Variants in MNAT1 observed in about 807,000 individuals in gnomAD.
MNAT1 encodes the protein CDK-activating kinase assembly factor MAT1.
Under a neutral mutation model 42.0 loss-of-function variants are expected in MNAT1, and 43 were observed. The observed-to-expected ratio is 1.02, with a 90% confidence interval of 0.80 to 1.32. MNAT1 has a LOEUF of 1.32. Ranked by LOEUF, MNAT1 falls within the 40% of genes most tolerant of loss-of-function variation. The probability of loss-of-function intolerance (pLI) is 0.00; values close to 1 mark genes in which losing one functional copy is unlikely to be tolerated. For synonymous variants in MNAT1, 118 were observed against 120.0 expected (o/e 0.98, Z 0.11); for missense variants, 306 against 350.4 (o/e 0.87, Z 1.01).
chr14:60,908,592 G>A (rs1282017405), intron 7 of MNAT1, among the ~76,000 whole-genome samples: 8 of 151,766 alleles, frequency 5.3e-5, no homozygotes, highest in South Asian at 2.1e-4. Flanking sequence ...TTGTCCTTGC[G>A]ATAGTTTGCT....
intron 1 of MNAT1, among the ~76,000 whole-genome samples, chr14:60,768,085 C>G (rs10134410): frequency 0.95 from 144,145 of 152,224 alleles, 68,506 homozygotes; most frequent in Non-Finnish European, 0.99. Flanking sequence ...ATTTTTAGTA[C>G]AGTCAGTGTT....
At chr14:60,737,977 T>C (rs1424527998) in intron 1 of MNAT1, among the ~76,000 whole-genome samples, 2 of 150,134 alleles carry the variant, frequency 1.3e-5, no homozygotes, top group Non-Finnish European at 3.0e-5. Flanking sequence ...GCCTCCCGAG[T>C]AGCTGGGACT....
intron 6 of MNAT1, among the ~76,000 whole-genome samples, chr14:60,837,531 C>T (rs754618344): frequency 5.9e-5 from 9 of 152,222 alleles, no homozygotes; most frequent in Non-Finnish European, 1.0e-4. Context: ...TGCTTTGGCT[C>T]ACCCTCCATG....
intron 7 of MNAT1, among the ~76,000 whole-genome samples, chr14:60,947,490 C>G (rs2036303224): frequency 6.6e-6 from 1 of 152,110 alleles, no homozygotes; most frequent in Non-Finnish European, 1.5e-5. Context: ...CGAGACAAGC[C>G]TGGCCAACAT....
At chr14:60,891,131 C>G (rs1372554173) in intron 7 of MNAT1, among the ~76,000 whole-genome samples, 1 of 152,112 alleles carries the variant, frequency 6.6e-6, no homozygotes, top group African/African-American at 2.4e-5. Flanking sequence ...AATAATGGCT[C>G]CACTTTCATT....
chr14:60,773,229 G>A (rs530870755), intron 1 of MNAT1, among the ~76,000 whole-genome samples: 5 of 152,188 alleles, frequency 3.3e-5, no homozygotes, highest in East Asian at 3.9e-4. Flanking sequence ...GAGCCACCAC[G>A]CCTGGCCTGT....
In MNAT1 at chr14:60,798,164, C is replaced by A; in HGVS notation, c.316+4C>A. ...TTGGAAGAAGTGGAAGAAATTGGTA[C>A]GTTTTTAATTTGATGTATGCTAGCC... On this transcript the variant is annotated splice_donor_region_variant and intron_variant, in intron 3 of 7. Coordinates refer to ENST00000261245, the MANE Select transcript of MNAT1 (RefSeq NM_002431.4). 1.4e-6 allele frequency: 2 copies of A among 1,471,366 alleles called. No homozygotes were observed. The highest frequency in any genetic ancestry group is 1.9e-6 in the Non-Finnish European group (2 of 1,054,358). 91.1% of individuals were successfully genotyped at this position (1,471,366 alleles called of 1,614,324 possible).
At chr14:60,905,142 G>C (rs1343355776) in intron 7 of MNAT1, among the ~76,000 whole-genome samples, 2 of 151,870 alleles carry the variant, frequency 1.3e-5, no homozygotes, top group Non-Finnish European at 2.9e-5. Flanking sequence ...ACTGTTCTGG[G>C]TGCTGAGAAA....
At chr14:60,839,089 G>A (rs1037387134) in intron 6 of MNAT1, among the ~76,000 whole-genome samples, 1 of 152,254 alleles carries the variant, frequency 6.6e-6, no homozygotes, top group Admixed American at 6.5e-5. Context: ...GCTTCTGGGT[G>A]GAAAGGGGTG....
intron 6 of MNAT1, among the ~76,000 whole-genome samples, chr14:60,837,828 A>T (rs987121505): frequency 1.3e-5 from 2 of 152,220 alleles, no homozygotes; most frequent in Non-Finnish European, 2.9e-5. Flanking sequence ...GAGGTGTTAA[A>T]TATTCTTAAA....
Position 60,780,284 on chromosome 14 carries a change from G to A in MNAT1, c.90-15933G>A. 4.8e-6 allele frequency: 7 copies of A among 1,460,490 alleles called. No homozygotes were observed. In the South Asian group the frequency reaches 8.0e-5, roughly 17 times the overall value. 90.5% of individuals were successfully genotyped at this position (1,460,490 alleles called of 1,614,324 possible). On this transcript the variant is annotated intron_variant, in intron 1 of 7. Transcript: ENST00000261245. Reference sequence around the variant, plus strand: ...TGAGGTCCTGGAAAGATGACAGTTTGATATTGAGTGTGATAAGACTGCAAA... The same window carrying A: ...TGAGGTCCTGGAAAGATGACAGTTTAATATTGAGTGTGATAAGACTGCAAA...
intron 7 of MNAT1, among the ~76,000 whole-genome samples, chr14:60,899,131 A>G (rs1426023749): frequency 3.9e-5 from 6 of 152,208 alleles, no homozygotes; most frequent in Admixed American, 2.0e-4. Context: ...TGAAATTTTT[A>G]TCTTAATTTC....
chr14:60,873,188 A>G (rs897508586), intron 6 of MNAT1, among the ~76,000 whole-genome samples: 32 of 152,224 alleles, frequency 2.1e-4, no homozygotes, highest in African/African-American at 7.0e-4. Context: ...TTAATCTTGA[A>G]TAGCTCCCAT....
At chr14:60,807,942 C>CT (rs993989789) in intron 3 of MNAT1, among the ~76,000 whole-genome samples, 8 of 151,832 alleles carry the variant, frequency 5.3e-5, no homozygotes, top group African/African-American at 1.5e-4. Context: ...TTTTTTAACT[C>CT]TTTTTTTAAA....
intron 4 of MNAT1, among the ~76,000 whole-genome samples, chr14:60,809,285 G>C (rs960953210): frequency 6.6e-6 from 1 of 152,116 alleles, no homozygotes; most frequent in African/African-American, 2.4e-5. Flanking sequence ...GTATTTAGAA[G>C]AGACTTCCTC....
intron 1 of MNAT1, among the ~76,000 whole-genome samples, chr14:60,748,689 A>G (rs1028893953): frequency 1.3e-5 from 2 of 152,178 alleles, no homozygotes; most frequent in Non-Finnish European, 2.9e-5. Context: ...TTCGAGAGCA[A>G]TAACATGCAT....
chr14:60,805,182 A>G (rs894253076), intron 3 of MNAT1, among the ~76,000 whole-genome samples: 4 of 151,658 alleles, frequency 2.6e-5, no homozygotes, highest in African/African-American at 4.8e-5. Flanking sequence ...TTCAACAAGT[A>G]TTTCTTGAGC....
At chr14:60,757,090 A>T (rs2030386929) in intron 1 of MNAT1, among the ~76,000 whole-genome samples, 1 of 152,202 alleles carries the variant, frequency 6.6e-6, no homozygotes, top group South Asian at 2.1e-4. Flanking sequence ...TGAAGAAATC[A>T]TATGCAACTT....
At chr14:60,859,885 C>T (rs757977607) in intron 6 of MNAT1, among the ~76,000 whole-genome samples, 59 of 152,076 alleles carry the variant, frequency 3.9e-4, no homozygotes, top group Non-Finnish European at 7.3e-4. Context: ...GAATATATAA[C>T]GCCTGGGAAA....
Sources: allele counts gnomAD v4.1 joint callset (sites outside exome capture counted in the v4.1 genomes callset), GRCh38; gene constraint gnomAD v4.1.1; transcripts MANE v1.5; gene names NCBI Gene and HGNC (gene_info 2026-07-23, HGNC 2026-07-21).